Variants in PREX2 observed in about 807,000 individuals in gnomAD.
The protein encoded by PREX2 is phosphatidylinositol-3,4,5-trisphosphate dependent Rac exchange factor 2, also known as phosphatidylinositol 3,4,5-trisphosphate-dependent Rac exchanger 2 protein.
PREX2 carries 107 observed loss-of-function variants against 203.2 expected under a neutral mutation model. The ratio of observed to expected loss-of-function variants is 0.53; its 90% CI spans 0.45 to 0.62. The LOEUF (loss-of-function observed/expected upper bound fraction) is 0.62, where lower values mean the gene tolerates loss of function less well. Ranked by LOEUF, PREX2 falls within the 20% of genes least tolerant of loss-of-function variation. The probability of loss-of-function intolerance (pLI) is 0.00; values close to 1 mark genes in which losing one functional copy is unlikely to be tolerated. For synonymous variants in PREX2, 672 were observed against 663.6 expected (o/e 1.01, Z -0.19); for missense variants, 1,777 against 1,955.9 (o/e 0.91, Z 1.72).
At chr8:67,968,403 C>G (rs1459820336) in intron 1 of PREX2, among the ~76,000 whole-genome samples, 2 of 152,074 alleles carry the variant, frequency 1.3e-5, no homozygotes, top group Non-Finnish European at 2.9e-5. Flanking sequence ...CAGCCTTTTG[C>G]GGAGCTTCAT....
intron 38 of PREX2, chr8:68,223,383 G>GTAAC (rs1386549535): frequency 1.3e-5 from 2 of 152,108 alleles, no homozygotes; most frequent in Non-Finnish European, 2.9e-5. Flanking sequence ...CAATTGATCT[G>GTAAC]TAACTGCCTA....
chr8:67,992,371 A>G (rs1418444475), intron 1 of PREX2, among the ~76,000 whole-genome samples: 1 of 152,228 alleles, frequency 6.6e-6, no homozygotes, highest in African/African-American at 2.4e-5. Context: ...TCTAATTTGT[A>G]TGTATTAATT....
At chr8:67,955,673 G>A (rs1009316176) in intron 1 of PREX2, among the ~76,000 whole-genome samples, 11 of 152,192 alleles carry the variant, frequency 7.2e-5, no homozygotes, top group African/African-American at 2.7e-4. Context: ...CACCTTGTGT[G>A]CCTGTGCTTT....
chr8:68,094,309 T>C (rs1809986731), intron 21 of PREX2, among the ~76,000 whole-genome samples: 1 of 152,208 alleles, frequency 6.6e-6, no homozygotes, highest in Non-Finnish European at 1.5e-5. Flanking sequence ...TTTTACTGTA[T>C]TCTAACATTG....
intron 35 of PREX2, among the ~76,000 whole-genome samples, chr8:68,188,127 C>T (rs1298572167): frequency 6.6e-6 from 1 of 152,102 alleles, no homozygotes; most frequent in Non-Finnish European, 1.5e-5. Flanking sequence ...AGGCATGGCC[C>T]TGAACTACTG....
rs1812869185 is a variant in PREX2, at chr8:68,217,651, T to C, written c.4640T>C (p.Ile1547Thr). The C allele has an allele frequency of 6.2e-7, 1 of 1,614,162 alleles. No individual in the cohort carries two copies. The highest frequency in any genetic ancestry group is 1.3e-5 in the African/African-American group (1 of 75,066). ...AGCGTGACGCTGGAGCAAGCCATCATTCTGGCCAGAAGCCACGGACTGCCA... is the reference window on the plus strand; with the variant it reads ...AGCGTGACGCTGGAGCAAGCCATCACTCTGGCCAGAAGCCACGGACTGCCA... Reference protein sequence around the residue: ...TLSVTLEQAIILARSHGLPPR... With the variant: ...TLSVTLEQAITLARSHGLPPR... The change falls in exon 38 of 40, where the codon ATT becomes ACT. Residue 1547 changes from isoleucine (I) to threonine (T), a missense_variant. Ile to Thr is a moderately conservative substitution (Grantham distance 89, BLOSUM62 -1). Transcript: ENST00000288368.
chr8:68,062,445 C>T (rs1808886136), intron 11 of PREX2, among the ~76,000 whole-genome samples: 1 of 152,218 alleles, frequency 6.6e-6, no homozygotes, highest in Non-Finnish European at 1.5e-5. Flanking sequence ...TGAGATAAGG[C>T]CCCTGACTTC....
intron 8 of PREX2, among the ~76,000 whole-genome samples, chr8:68,050,147 A>T (rs1563518156): frequency 6.6e-6 from 1 of 152,154 alleles, no homozygotes; most frequent in Non-Finnish European, 1.5e-5. Context: ...AAAAGGGAAC[A>T]TTATTTCTTC....
intron 23 of PREX2, chr8:68,102,823 A>G (rs1299982093): frequency 3.9e-6 from 2 of 518,500 alleles, no homozygotes; most frequent in African/African-American, 3.8e-5. Flanking sequence ...TGTACAGGCC[A>G]CAGATGTTTT....
chr8:68,088,940 C>T (rs17368359), intron 19 of PREX2, among the ~76,000 whole-genome samples: 34,035 of 152,132 alleles, frequency 0.22, 4,527 homozygotes, highest in Middle Eastern at 0.34. Flanking sequence ...GGTTGGCCTA[C>T]GTCTGGTTTC....
At chr8:67,996,236 G>A (rs1806760959) in intron 1 of PREX2, among the ~76,000 whole-genome samples, 1 of 151,926 alleles carries the variant, frequency 6.6e-6, no homozygotes. Flanking sequence ...TGCTCTGTCA[G>A]CCATACTGGA....
intron 21 of PREX2, 133 bp from the exon 22 acceptor site, chr8:68,096,884 G>A (rs763523964): frequency 5.7e-5 from 40 of 704,572 alleles, no homozygotes; most frequent in Non-Finnish European, 9.0e-5. Context: ...AAGAATAGAT[G>A]CTTCATTTAA....
At chr8:68,043,685 A>G (rs1329290103) in intron 7 of PREX2, among the ~76,000 whole-genome samples, 1 of 152,080 alleles carries the variant, frequency 6.6e-6, no homozygotes, top group Non-Finnish European at 1.5e-5. Flanking sequence ...CCCTTGAATC[A>G]TTTCTTAGAA....
chr8:68,147,266 T>C (rs192874402), intron 34 of PREX2, among the ~76,000 whole-genome samples: 1 of 152,312 alleles, frequency 6.6e-6, no homozygotes, highest in East Asian at 1.9e-4. Context: ...AACTAAAGAA[T>C]GGACAGGCAT....
At chr8:68,149,376 A>G (rs565835324) in intron 34 of PREX2, among the ~76,000 whole-genome samples, 1 of 152,316 alleles carries the variant, frequency 6.6e-6, no homozygotes, top group South Asian at 2.1e-4. Flanking sequence ...AGGCAGACAA[A>G]AGTGATACAG....
chr8:68,173,616 A>T (rs1811922101), intron 35 of PREX2, among the ~76,000 whole-genome samples: 1 of 152,138 alleles, frequency 6.6e-6, no homozygotes, highest in Non-Finnish European at 1.5e-5. Flanking sequence ...CATGTTAGAA[A>T]TTTTTAATGC....
chr8:68,054,251 T>C (rs577663103), intron 9 of PREX2, among the ~76,000 whole-genome samples: 1 of 152,288 alleles, frequency 6.6e-6, no homozygotes, highest in South Asian at 2.1e-4. Flanking sequence ...TTTATGAATA[T>C]ATGACTGACT....
chr8:68,192,355 T>A lies in PREX2; in HGVS notation c.4434T>A (p.Ala1478=). 1.9e-6 allele frequency: 3 copies of A among 1,604,612 alleles called. No individual in the cohort carries two copies. The South Asian group carries it at 3.3e-5, about 18-fold the overall frequency. ...YVDKLMRPLN[A]LDELYRLVAS... ...TGCAGCTAATGAGGCCTCTCAACGC[T>A]TTGGATGAACTTTACCGACTGGTAG... The change falls in exon 37 of 40, where the codon GCT becomes GCA. Residue 1478 remains alanine (A), a synonymous_variant. Transcript: ENST00000288368.
chr8:68,124,882 G>A (rs1810857744), intron 30 of PREX2, among the ~76,000 whole-genome samples: 1 of 152,012 alleles, frequency 6.6e-6, no homozygotes, highest in South Asian at 2.1e-4. Flanking sequence ...AGTGTGGTTG[G>A]ATGGGCTGAG....
Sources: gnomAD v4.1 joint callset for allele counts (sites outside exome capture counted in the v4.1 genomes callset) on GRCh38, gnomAD v4.1.1 for gene constraint, MANE v1.5 for transcripts, NCBI Gene and HGNC (gene_info 2026-07-23, HGNC 2026-07-21) for gene names.